Variants in PTPRD observed in about 807,000 individuals in gnomAD.
PTPRD encodes receptor-type tyrosine-protein phosphatase delta.
A neutral mutation model predicts 214.5 loss-of-function variants in PTPRD; 34 were observed. The ratio of observed to expected loss-of-function variants is 0.16; its 90% CI spans 0.12 to 0.21. The LOEUF (loss-of-function observed/expected upper bound fraction) is 0.21, where lower values mean the gene tolerates loss of function less well. PTPRD is among the 10% of genes least tolerant of loss of function. PTPRD has a pLI of 1.00. For synonymous variants in PTPRD, 1,128 were observed against 845.7 expected (o/e 1.33, Z -5.79); for missense variants, 2,545 against 2,398.7 (o/e 1.06, Z -1.27).
chr9:9,535,977 A>G (rs950017636), intron 8 of PTPRD, among the ~76,000 whole-genome samples: 1 of 152,056 alleles, frequency 6.6e-6, no homozygotes, highest in African/African-American at 2.4e-5. Flanking sequence ...TCTTGTTCCT[A>G]ACCAAGAAAG....
At chr9:9,337,649 G>C (rs1312923672) in intron 9 of PTPRD, among the ~76,000 whole-genome samples, 4 of 152,168 alleles carry the variant, frequency 2.6e-5, no homozygotes, top group Non-Finnish European at 5.9e-5. Flanking sequence ...TGAAGGCCAA[G>C]ACTTGTCCTG....
At chr9:9,879,578 A>T (rs1340469385) in intron 5 of PTPRD, among the ~76,000 whole-genome samples, 1 of 152,218 alleles carries the variant, frequency 6.6e-6, no homozygotes. Context: ...TGCAACAATT[A>T]TATATTTTTT....
At chr9:9,172,441 A>G (rs2099922033) in intron 10 of PTPRD, among the ~76,000 whole-genome samples, 1 of 151,980 alleles carries the variant, frequency 6.6e-6, no homozygotes, top group Non-Finnish European at 1.5e-5. Context: ...AATCTGATTA[A>G]CCCTTTACTC....
chr9:9,213,012 G>C (rs562337481), intron 9 of PTPRD, among the ~76,000 whole-genome samples: 2 of 152,172 alleles, frequency 1.3e-5, no homozygotes, highest in East Asian at 3.9e-4. Flanking sequence ...TTTTAGGTCA[G>C]GTTAAGAGTA....
chr9:8,561,446 C>T (rs1026985218), intron 14 of PTPRD, among the ~76,000 whole-genome samples: 20 of 152,108 alleles, frequency 1.3e-4, no homozygotes, highest in Admixed American at 3.9e-4. Flanking sequence ...TTTTCTTGGA[C>T]GCAGGATAAG....
At chr9:8,353,845 T>C (rs2076205052) in intron 39 of PTPRD, among the ~76,000 whole-genome samples, 1 of 141,458 alleles carries the variant, frequency 7.1e-6, no homozygotes. Context: ...TATATGTATA[T>C]ATGTATATAT....
At position 10,478,716 on chromosome 9, in the gene PTPRD, T is replaced by A. The variant is rs567218120; in HGVS notation, c.-600+133682A>T. On this transcript the variant is annotated intron_variant, in intron 2 of 45. Coordinates refer to ENST00000381196, the MANE Select transcript of PTPRD (RefSeq NM_002839.4). ...AAATACAATTACAGAGTTACTATATTCTGTAATATATATGTATATGTATAT... is the reference window on the plus strand; with the variant it reads ...AAATACAATTACAGAGTTACTATATACTGTAATATATATGTATATGTATAT... 5.3e-5 allele frequency among the ~76,000 whole-genome samples: 8 copies of A among 151,640 alleles called. No individual in the cohort carries two copies. In the South Asian group the frequency reaches 1.7e-3, roughly 31 times the overall value.
intron 7 of PTPRD, among the ~76,000 whole-genome samples, chr9:9,575,486 C>G (rs536729437): frequency 1.5e-4 from 22 of 151,428 alleles, no homozygotes; most frequent in African/African-American, 5.1e-4. Flanking sequence ...TTTGGGAGGC[C>G]GAGGTGGGTA....
At position 8,315,554 on chromosome 9, in the gene PTPRD, G is replaced by A. The variant is rs1821192204; in HGVS notation, c.*2320C>T. ...AAAATAATGATAACAGACCCACATA[G>A]TGCACATTCTTCTCTGGTTCTGATG... On this transcript the variant is annotated 3_prime_UTR_variant, in exon 46 of 46. Transcript: ENST00000381196. 4.3e-6 allele frequency: 1 copy of A among 231,150 alleles called. No individual in the cohort carries two copies. Among genetic ancestry groups the A allele is most frequent in the African/African-American group, 2.2e-5 (1 of 45,184 alleles). The allele number at this position is 231,150 out of a possible 1,614,324, so 14.3% of individuals were successfully genotyped here. A position where few individuals can be genotyped will look rare whatever the true frequency, so the allele number is the denominator to read the frequency against.
chr9:9,052,486 G>A lies in PTPRD; in HGVS notation c.-142-33751C>T, dbSNP rs80199990. Among the ~76,000 whole-genome samples the A allele has an allele frequency of 3.9e-3, 587 of 152,246 alleles. 1 individual carries two copies. Among genetic ancestry groups the A allele is most frequent in the African/African-American group, 0.013 (547 of 41,536 alleles). ...TAACATTAGTTCCTTGAGGTAAAGT[G>A]TTGTTCAATGTATGAGTAAAACTAT... is the stretch of plus-strand genomic sequence containing the variant. On this transcript the variant is annotated intron_variant, in intron 10 of 45. Coordinates refer to ENST00000381196, the MANE Select transcript of PTPRD (RefSeq NM_002839.4).
intron 23 of PTPRD, among the ~76,000 whole-genome samples, chr9:8,503,870 T>A (rs1477311514): frequency 1.7e-4 from 26 of 150,502 alleles, no homozygotes; most frequent in Admixed American, 1.1e-3. Flanking sequence ...AAAATAAAGT[T>A]TTTTTTTGTC....
intron 2 of PTPRD, among the ~76,000 whole-genome samples, chr9:10,534,156 A>C (rs1299138711): frequency 6.6e-6 from 1 of 151,926 alleles, no homozygotes; most frequent in Non-Finnish European, 1.5e-5. Context: ...TTATATCAGC[A>C]TTGTAGTGTA....
At chr9:10,523,618 T>TAGAGAGAGAGAGAGAGAG (rs201735410) in intron 2 of PTPRD, among the ~76,000 whole-genome samples, 9,111 of 116,090 alleles carry the variant, frequency 0.078, 721 homozygotes, top group Admixed American at 0.16. Context: ...TATATATATA[T>TAGAGAGAGAGAGAGAGAG]ATATAGACAG....
intron 2 of PTPRD, among the ~76,000 whole-genome samples, chr9:10,548,383 A>C (rs941221775): frequency 3.9e-5 from 6 of 151,978 alleles, no homozygotes; most frequent in Non-Finnish European, 5.9e-5. Flanking sequence ...AGAAATGTAC[A>C]TTTTCTACTT....
At chr9:9,990,790 A>T (rs1391764420) in intron 4 of PTPRD, among the ~76,000 whole-genome samples, 1 of 152,122 alleles carries the variant, frequency 6.6e-6, no homozygotes, top group Non-Finnish European at 1.5e-5. Flanking sequence ...TTATCATGTT[A>T]CCCTAAATAC....
At chr9:9,425,248 C>G (rs1353082955) in intron 8 of PTPRD, among the ~76,000 whole-genome samples, 2 of 151,900 alleles carry the variant, frequency 1.3e-5, no homozygotes, top group Non-Finnish European at 2.9e-5. Flanking sequence ...TCAGGAGAGA[C>G]ATACCAAATA....
chr9:8,370,221 CACACACACACACACACAT>C (rs1486150000), intron 39 of PTPRD, among the ~76,000 whole-genome samples: 1 of 65,034 alleles, frequency 1.5e-5, no homozygotes, highest in African/African-American at 3.0e-5. Flanking sequence ...CACACACACA[CACACACACACACACACAT>C]ATATATATAT....
chr9:8,868,679 T>G (rs1201551493), intron 11 of PTPRD, among the ~76,000 whole-genome samples: 1 of 152,046 alleles, frequency 6.6e-6, no homozygotes, highest in Non-Finnish European at 1.5e-5. Flanking sequence ...GCTTTTATTT[T>G]ATAGATGAAA....
At chr9:9,456,056 T>C (rs2092951838) in intron 8 of PTPRD, among the ~76,000 whole-genome samples, 1 of 151,802 alleles carries the variant, frequency 6.6e-6, no homozygotes, top group Non-Finnish European at 1.5e-5. Flanking sequence ...TTAAAGAAAA[T>C]ACTAATCCAA....
Sources: gnomAD v4.1 joint callset for allele counts (sites outside exome capture counted in the v4.1 genomes callset) on GRCh38, gnomAD v4.1.1 for gene constraint, MANE v1.5 for transcripts, NCBI Gene and HGNC (gene_info 2026-07-23, HGNC 2026-07-21) for gene names.